The following ADHFE1 variants were observed in gnomAD, a reference collection of about 807,000 sequenced individuals.
ADHFE1 encodes the protein hydroxyacid-oxoacid transhydrogenase, mitochondrial.
Under a neutral mutation model 54.8 loss-of-function variants are expected in ADHFE1, and 37 were observed. That is an observed-to-expected ratio of 0.68 (90% CI 0.52 to 0.89). ADHFE1 has a LOEUF of 0.89. Among genes scored for constraint, ADHFE1 ranks in the 40% least tolerant of loss-of-function variants. The probability of loss-of-function intolerance (pLI) is 0.00; values close to 1 mark genes in which losing one functional copy is unlikely to be tolerated. For synonymous variants in ADHFE1, 203 were observed against 229.3 expected, an observed-to-expected ratio of 0.89 and a Z score of 1.04; for missense variants, 601 against 591.2, an observed-to-expected ratio of 1.02 and a Z score of -0.17.
At chr8:66,465,697 T>C (rs1807136304) in intron 13 of ADHFE1, among the ~76,000 whole-genome samples, 1 of 151,998 alleles carries the variant, frequency 6.6e-6, no homozygotes, top group Admixed American at 6.6e-5. Context: ...CCTCCTGGGT[T>C]CAAGCAGTTC....
intron 8 of ADHFE1, among the ~76,000 whole-genome samples, chr8:66,450,442 C>T (rs1806242280): frequency 6.6e-6 from 1 of 152,210 alleles, no homozygotes; most frequent in South Asian, 2.1e-4. Flanking sequence ...GCCCATAAGG[C>T]CCAGTGGCCT....
chr8:66,457,835 A>G (rs1165834935), intron 12 of ADHFE1, among the ~76,000 whole-genome samples: 1 of 152,134 alleles, frequency 6.6e-6, no homozygotes, highest in East Asian at 1.9e-4. Flanking sequence ...TTATATTTTT[A>G]ATGTTATAAA....
rs1255882880 is a variant in ADHFE1 at position 66,439,342 on chromosome 8, TC to T, written c.60-817del. 1 of 985,408 alleles carries T rather than the reference TC, an allele frequency of 1.0e-6. No homozygotes were observed. Among genetic ancestry groups the T allele is most frequent in the Non-Finnish European group, 1.2e-6 (1 of 830,174 alleles). 61.0% of individuals were successfully genotyped at this position (985,408 alleles called of 1,614,324 possible). ...AACCCAACGAAACATAAAACCGTCT[TC>T]CCAGCCTCGATCAGAGAGCGAGCAG... On this transcript the variant is annotated intron_variant, in intron 1 of 13. Coordinates refer to ENST00000396623, the MANE Select transcript of ADHFE1 (RefSeq NM_144650.3). This position sits in a 1 kb window ranked among gnomAD's most constrained non-coding sequence, Gnocchi z 4.4.
intron 1 of ADHFE1, among the ~76,000 whole-genome samples, chr8:66,437,373 G>C (rs537883526): frequency 1.6e-4 from 25 of 152,200 alleles, no homozygotes; most frequent in African/African-American, 5.5e-4. Context: ...GTGGCTAAGA[G>C]GTAATCAGTG....
chr8:66,438,240 A>G (rs1485721875), intron 1 of ADHFE1, among the ~76,000 whole-genome samples: 2 of 152,196 alleles, frequency 1.3e-5, no homozygotes, highest in Admixed American at 6.5e-5. Flanking sequence ...GAGAGGTGAT[A>G]CTGGAACCAG....
At chr8:66,447,694 G>T (rs546331383) in intron 7 of ADHFE1, among the ~76,000 whole-genome samples, 4 of 152,116 alleles carry the variant, frequency 2.6e-5, no homozygotes, top group Admixed American at 2.6e-4. Flanking sequence ...CCAAGGAAAG[G>T]GTTTGTATAT....
chr8:66,463,276 T>G (rs1446844298), intron 13 of ADHFE1, among the ~76,000 whole-genome samples: 3 of 152,204 alleles, frequency 2.0e-5, no homozygotes, highest in Non-Finnish European at 2.9e-5. Flanking sequence ...AAATCACAGA[T>G]AGCAAAATCT....
chr8:66,438,650 C>T (rs929541533), intron 1 of ADHFE1, among the ~76,000 whole-genome samples: 2 of 151,628 alleles, frequency 1.3e-5, no homozygotes, highest in Admixed American at 6.6e-5. Context: ...AAATGTAGGT[C>T]GGGAGGAGAG....
At position 66,432,591 on chromosome 8, in the gene ADHFE1, G is replaced by A. The variant is rs1211416319; in HGVS notation, c.59+16G>A. ...AACGCGCAGCGTGAGTGCGGGGCCG[G>A]CGGGCGGGCAGGGGACCGCAGGGTG... On this transcript the variant is annotated intron_variant, in intron 1 of 13. Transcript: ENST00000396623. 13 of 1,305,582 alleles carry A rather than the reference G, an allele frequency of 1.0e-5. No individual in the cohort carries two copies. The highest frequency in any genetic ancestry group is 7.4e-5 in the Admixed American group (2 of 26,900). 80.9% of individuals were successfully genotyped at this position (1,305,582 alleles called of 1,614,324 possible). A position where few individuals can be genotyped will look rare whatever the true frequency, so the allele number is the denominator to read the frequency against.
Position 66,444,761 on chromosome 8 carries a change from T to G in ADHFE1, c.353+13T>G. 1 of 1,613,022 alleles carries G rather than the reference T, an allele frequency of 6.2e-7. No individual in the cohort carries two copies. The highest frequency in any genetic ancestry group is 8.5e-7 in the Non-Finnish European group (1 of 1,179,660). On this transcript the variant is annotated intron_variant, in intron 5 of 13. Coordinates refer to ENST00000396623, the MANE Select transcript of ADHFE1 (RefSeq NM_144650.3). The stretch of plus-strand genomic sequence containing the variant: ...CAACGGATTCAAGGTATTCTTGTAT[T>G]GTTGTTATTGTTTCTTTACTTTAAG...
intron 6 of ADHFE1, 65 bp downstream of exon 6, chr8:66,445,479 C>T (rs1586453266): frequency 1.4e-6 from 2 of 1,441,320 alleles, no homozygotes; most frequent in Non-Finnish European, 1.9e-6. Flanking sequence ...AAGAAAGATG[C>T]AAGCCAGTCC....
chr8:66,435,921 T>TA (rs200337359), intron 1 of ADHFE1, among the ~76,000 whole-genome samples: 1,540 of 148,394 alleles, frequency 0.01, 22 homozygotes, highest in African/African-American at 0.036. Context: ...ATTCTTTTTT[T>TA]TTTTTTTTTT....
At position 66,440,062 on chromosome 8, in the gene ADHFE1, CT is replaced by C. The variant is rs1366828133; in HGVS notation, c.60-98del. ...CCAAGAACTACCAATTTGATAGCAT[CT>C]TAGCACTAGACTGCAATGTGAGTTA... On this transcript the variant is annotated intron_variant, in intron 1 of 13. Transcript: ENST00000396623. 8.7e-6 allele frequency: 10 copies of C among 1,147,380 alleles called. No individual in the cohort carries two copies. The African/African-American group carries it at 1.4e-4, about 16-fold the overall frequency. The allele number at this position is 1,147,380 out of a possible 1,614,324, so 71.1% of individuals were successfully genotyped here. A position where few individuals can be genotyped will look rare whatever the true frequency, so the allele number is the denominator to read the frequency against.
At chr8:66,462,947 G>A (rs779626187) in intron 13 of ADHFE1, among the ~76,000 whole-genome samples, 8 of 152,042 alleles carry the variant, frequency 5.3e-5, no homozygotes, top group African/African-American at 1.4e-4. Flanking sequence ...TCAGCCTCCC[G>A]AGTAGCTGGT....
intron 10 of ADHFE1, among the ~76,000 whole-genome samples, chr8:66,454,406 CTTTTTCTT>C (rs1167039301): frequency 6.6e-6 from 1 of 151,718 alleles, no homozygotes; most frequent in Non-Finnish European, 1.5e-5. Flanking sequence ...TAAATGTATT[CTTTTTCTT>C]TTTTTCTTTT....
chr8:66,468,419 AG>A lies in ADHFE1; in HGVS notation c.*70del. 1 of 1,348,902 alleles carries A rather than the reference AG, an allele frequency of 7.4e-7. No homozygotes were observed. 83.6% of individuals were successfully genotyped at this position (1,348,902 alleles called of 1,614,324 possible). Reference sequence around the variant, plus strand: ...GCTGAGAGCAAGAGCTGATCTAGCTAGGGCTTTGTCTTTTCATCTTTGCGCA... The same window carrying A: ...GCTGAGAGCAAGAGCTGATCTAGCTAGGCTTTGTCTTTTCATCTTTGCGCA... On this transcript the variant is annotated 3_prime_UTR_variant, in exon 14 of 14. Transcript: ENST00000396623.
rs537239432 is a variant in ADHFE1 at position 66,442,910 on chromosome 8, G to A, written c.144+66G>A. 2.2e-5 allele frequency: 27 copies of A among 1,255,144 alleles called. No individual in the cohort carries two copies. The East Asian group carries it at 3.0e-4, about 14-fold the overall frequency. The allele number at this position is 1,255,144 out of a possible 1,614,324, so 77.8% of individuals were successfully genotyped here. A position where few individuals can be genotyped will look rare whatever the true frequency, so the allele number is the denominator to read the frequency against. On this transcript the variant is annotated intron_variant, in intron 3 of 13. Coordinates refer to ENST00000396623, the MANE Select transcript of ADHFE1 (RefSeq NM_144650.3). ...GAAAAAAATAAAACTAGAATATTTT[G>A]CTAATGAATTATTATTTTATTTTAA...
chr8:66,467,334 G>C (rs2059641), intron 13 of ADHFE1, among the ~76,000 whole-genome samples: 1 of 151,912 alleles, frequency 6.6e-6, no homozygotes, highest in African/African-American at 2.4e-5. Context: ...TGGTAGGAGC[G>C]GTGGGGTGGG....
chr8:66,441,926 C>A (rs1805767322), intron 2 of ADHFE1, among the ~76,000 whole-genome samples: 1 of 151,214 alleles, frequency 6.6e-6, no homozygotes, highest in Admixed American at 6.6e-5. Context: ...GAGCCGAGAT[C>A]CCACCACTGC....
Sources: gnomAD v4.1 joint callset for allele counts (sites outside exome capture counted in the v4.1 genomes callset) on GRCh38, gnomAD v4.1.1 for gene constraint, Gnocchi (gnomAD v3.1) non-coding constraint, MANE v1.5 for transcripts, NCBI Gene and HGNC (gene_info 2026-07-23, HGNC 2026-07-21) for gene names.